The following CC2D2B variants were observed in gnomAD, a reference collection of about 807,000 sequenced individuals.
CC2D2B encodes coiled-coil and C2 domain containing 2B.
In CC2D2B, 128 loss-of-function variants were observed where a neutral mutation model predicts 161.2. That is an observed-to-expected ratio of 0.79 (90% CI 0.69 to 0.92). The LOEUF (loss-of-function observed/expected upper bound fraction) is 0.92, where lower values mean the gene tolerates loss of function less well. Ranked by LOEUF, CC2D2B falls within the 40% of genes least tolerant of loss-of-function variation. CC2D2B has a pLI of 0.00. For missense variants in CC2D2B, 1,173 were observed against 1,375.1 expected, an observed-to-expected ratio of 0.85 and a Z score of 2.32; for synonymous variants, 391 against 449.8, an observed-to-expected ratio of 0.87 and a Z score of 1.65.
chr10:96,010,039 G>C (rs1395481836), intron 26 of CC2D2B, 116 bp downstream of exon 26: 2 of 647,164 alleles, frequency 3.1e-6, no homozygotes, highest in Non-Finnish European at 5.5e-6. Context: ...CAGTTAAGAT[G>C]ATCCTGTATT....
intron 25 of CC2D2B, among the ~76,000 whole-genome samples, chr10:96,004,817 G>A (rs1386691522): frequency 6.6e-6 from 1 of 152,130 alleles, no homozygotes; most frequent in African/African-American, 2.4e-5. Flanking sequence ...CTCTTTTAAG[G>A]TATGTAGATT....
At chr10:95,930,029 A>G (rs1181094367) in intron 6 of CC2D2B, among the ~76,000 whole-genome samples, 1 of 152,228 alleles carries the variant, frequency 6.6e-6, no homozygotes, top group Non-Finnish European at 1.5e-5. Context: ...ATCCATGAGC[A>G]TGGAATATAT....
intron 14 of CC2D2B, among the ~76,000 whole-genome samples, chr10:95,968,408 C>G (rs531196273): frequency 6.6e-6 from 1 of 152,166 alleles, no homozygotes; most frequent in Non-Finnish European, 1.5e-5. Context: ...TTTTTCCTCT[C>G]ATAAGACATC....
At chr10:95,925,498 C>G (rs187423998) in intron 5 of CC2D2B, among the ~76,000 whole-genome samples, 1 of 152,206 alleles carries the variant, frequency 6.6e-6, no homozygotes, top group Non-Finnish European at 1.5e-5. Context: ...TTTAATCCAA[C>G]TTACAGATTT....
At position 96,016,322 on chromosome 10, in the gene CC2D2B, C is replaced by T. The variant is rs377706170; in HGVS notation, c.3630+8C>T. The T allele has an allele frequency of 1.8e-4, 267 of 1,508,830 alleles. No individual in the cohort carries two copies. Among genetic ancestry groups the T allele is most frequent in the Non-Finnish European group, 2.4e-4 (258 of 1,084,220 alleles). The allele number at this position is 1,508,830 out of a possible 1,614,324, so 93.5% of individuals were successfully genotyped here. A position where few individuals can be genotyped will look rare whatever the true frequency, so the allele number is the denominator to read the frequency against. On this transcript the variant is annotated splice_region_variant and intron_variant, in intron 30 of 34. Transcript: ENST00000646931. Reference sequence around the variant, plus strand: ...GGAACGTCAGTGTTAGAAGTAAGTGCTGGAGTTCATATTGAAATAATGTAA... The same window carrying T: ...GGAACGTCAGTGTTAGAAGTAAGTGTTGGAGTTCATATTGAAATAATGTAA...
At chr10:95,967,932 G>A (rs1290651926) in intron 14 of CC2D2B, among the ~76,000 whole-genome samples, 3 of 152,182 alleles carry the variant, frequency 2.0e-5, no homozygotes, top group East Asian at 3.8e-4. Flanking sequence ...CTTCCACCCA[G>A]CCTTCTCCCT....
At position 96,032,122 on chromosome 10, in the gene CC2D2B, C is replaced by T; in HGVS notation, c.*114C>T. The T allele has an allele frequency of 1.3e-6, 1 of 769,834 alleles. No homozygotes were observed. Among genetic ancestry groups the T allele is most frequent in the African/African-American group, 1.8e-5 (1 of 57,126 alleles). 47.7% of individuals were successfully genotyped at this position (769,834 alleles called of 1,614,324 possible). On this transcript the variant is annotated 3_prime_UTR_variant, in exon 35 of 35. Transcript: ENST00000646931. ...TCTCAAGTCCAGCTAAGTGCTGGGCCCAATTTTTGATTCACTTACAGAGCT... is the reference window on the plus strand; with the variant it reads ...TCTCAAGTCCAGCTAAGTGCTGGGCTCAATTTTTGATTCACTTACAGAGCT...
chr10:95,913,930 T>G (rs1193799509), intron 2 of CC2D2B, among the ~76,000 whole-genome samples: 3 of 152,192 alleles, frequency 2.0e-5, no homozygotes, highest in African/African-American at 7.2e-5. Flanking sequence ...TCTTTGTTGA[T>G]TGTTTCCTTT....
intron 30 of CC2D2B, 102 bp from the exon 31 acceptor site, chr10:96,019,101 T>G: frequency 1.0e-6 from 1 of 975,666 alleles, no homozygotes; most frequent in Non-Finnish European, 1.5e-6. Context: ...GCCACCACAC[T>G]CCACTAAAAA....
At chr10:95,957,909 G>C (rs2076628476) in intron 11 of CC2D2B, among the ~76,000 whole-genome samples, 1 of 151,256 alleles carries the variant, frequency 6.6e-6, no homozygotes, top group Non-Finnish European at 1.5e-5. Flanking sequence ...GAAAGCCCTG[G>C]GAAAGGAGGA....
intron 24 of CC2D2B, 57 bp from the exon 25 acceptor site, chr10:96,004,095 G>C: frequency 1.0e-6 from 1 of 993,712 alleles, no homozygotes; most frequent in South Asian, 1.6e-5. Context: ...AGTGCTCTTA[G>C]GAAATAAGTG....
chr10:95,910,611 A>G (rs560212561), intron 1 of CC2D2B, among the ~76,000 whole-genome samples: 1 of 152,306 alleles, frequency 6.6e-6, no homozygotes, highest in South Asian at 2.1e-4. Context: ...CCACATGTCC[A>G]TTATTGGGAA....
chr10:95,985,507 G>A (rs2077683084), intron 19 of CC2D2B, among the ~76,000 whole-genome samples: 1 of 152,140 alleles, frequency 6.6e-6, no homozygotes, highest in African/African-American at 2.4e-5. Flanking sequence ...ATATTCTTGT[G>A]ATTTCCTATG....
intron 17 of CC2D2B, among the ~76,000 whole-genome samples, chr10:95,978,763 A>G (rs1010889745): frequency 4.6e-5 from 7 of 152,072 alleles, no homozygotes; most frequent in South Asian, 2.1e-4. Context: ...TCTGCGTACT[A>G]TTTTTTAGTT....
rs1459698270 is a variant in CC2D2B, at chr10:95,938,878, G to A, written c.754G>A (p.Val252Ile). The change falls in exon 9 of 35, where the codon GTA becomes ATA. Residue 252 changes from valine (V) to isoleucine (I), a missense_variant. Coordinates refer to ENST00000646931, the MANE Select transcript of CC2D2B (RefSeq NM_001349008.3). ...IKQSWNFRLN[V>I]RKEPLNPLLK... ...ACAGTCATGGAATTTCAGACTAAAT[G>A]TAAGGAAGGAACCTTTAAATCCATT... The A allele has an allele frequency of 2.8e-6, 2 of 714,836 alleles. No homozygotes were observed. Among genetic ancestry groups the A allele is most frequent in the Non-Finnish European group, 2.6e-6 (1 of 384,086 alleles). The allele number at this position is 714,836 out of a possible 1,614,324, so 44.3% of individuals were successfully genotyped here.
intron 9 of CC2D2B, 58 bp downstream of exon 9, chr10:95,938,983 G>A (rs527491316): frequency 1.1e-5 from 7 of 632,088 alleles, no homozygotes; most frequent in East Asian, 5.6e-5. Context: ...ATCAATTATC[G>A]CTGGTGGTTT....
At position 96,027,331 on chromosome 10, in the gene CC2D2B, G is replaced by A; in HGVS notation, c.4067G>A (p.Gly1356Glu). The change falls in exon 34 of 35, where the codon GGA becomes GAA. Residue 1356 changes from glycine (G) to glutamate (E), a missense_variant. Gly to Glu is a moderately conservative substitution (Grantham distance 98). Transcript: ENST00000646931. ...QILPKLEFGI[G>E]SFVSSEGDNE... ...CTTCCTAAGCTGGAATTTGGCATAG[G>A]AAGCTTTGTTTCATCTGAAGGAGAT... 6.4e-7 allele frequency: 1 copy of A among 1,551,010 alleles called. No homozygotes were observed. Among genetic ancestry groups the A allele is most frequent in the Non-Finnish European group, 8.7e-7 (1 of 1,146,668 alleles).
At chr10:95,984,790 A>T (rs541899139) in intron 19 of CC2D2B, 6 of 152,132 alleles carry the variant, frequency 3.9e-5, no homozygotes, top group East Asian at 1.9e-4. Context: ...AGGTGGGAGG[A>T]TCACTTGAGG....
In CC2D2B at chr10:96,027,302, A is replaced by T; in HGVS notation, c.4038A>T (p.Gln1346His). The T allele has an allele frequency of 6.4e-7, 1 of 1,551,400 alleles. No homozygotes were observed. Among genetic ancestry groups the T allele is most frequent in the Non-Finnish European group, 8.7e-7 (1 of 1,146,832 alleles). The change falls in exon 34 of 35, where the codon CAA (glutamine) becomes CAT (histidine). Residue 1346 changes from glutamine to histidine, a missense_variant. Coordinates refer to ENST00000646931, the MANE Select transcript of CC2D2B (RefSeq NM_001349008.3). ...WNRQCTFILR[Q>H]ILPKLEFGIG... ...GACAGTGTACTTTTATTTTGCGACA[A>T]ATCCTTCCTAAGCTGGAATTTGGCA...
Sources: allele counts gnomAD v4.1 joint callset (sites outside exome capture counted in the v4.1 genomes callset), GRCh38; gene constraint gnomAD v4.1.1; transcripts MANE v1.5; gene names NCBI Gene and HGNC (gene_info 2026-07-23, HGNC 2026-07-21).